Variants in EP300 observed in about 807,000 individuals in gnomAD.
EP300 encodes EP300 lysine acetyltransferase, also known as histone acetyltransferase p300.
EP300 carries 31 observed loss-of-function variants against 264.0 expected under a neutral mutation model. The observed-to-expected ratio is 0.12, with a 90% CI of 0.09 to 0.16. The LOEUF (loss-of-function observed/expected upper bound fraction) is 0.16, where lower values mean the gene tolerates loss of function less well. EP300 is among the 10% of genes least tolerant of loss of function. The pLI, the probability that EP300 is intolerant of heterozygous loss-of-function variation, is 1.00. For missense variants in EP300, 2,766 were observed against 3,052.9 expected, an observed-to-expected ratio of 0.91 and a Z score of 2.21; for synonymous variants, 1,340 against 1,045.4, an observed-to-expected ratio of 1.28 and a Z score of -5.44.
At position 41,169,639 on chromosome 22, in the gene EP300, T is replaced by C. The variant is rs142488264; in HGVS notation, c.4286+23T>C. ...AGGGTAAGCATATTTTGATAATGGC[T>C]TTTTTTCTTTAACTAGCATGGCATT... On this transcript the variant is annotated intron_variant, in intron 26 of 30. Transcript: ENST00000263253. 1.7e-4 allele frequency: 235 copies of C among 1,372,094 alleles called. No individual in the cohort carries two copies. The African/African-American group carries it at 3.1e-3, about 18-fold the overall frequency. The allele number at this position is 1,372,094 out of a possible 1,614,324, so 85.0% of individuals were successfully genotyped here. A position where few individuals can be genotyped will look rare whatever the true frequency, so the allele number is the denominator to read the frequency against.
chr22:41,111,703 G>A (rs768428965), intron 1 of EP300, among the ~76,000 whole-genome samples: 1 of 151,302 alleles, frequency 6.6e-6, no homozygotes, highest in African/African-American at 2.4e-5. Flanking sequence ...ACCACGTACC[G>A]CTAATTTTGT....
chr22:41,137,614 C>T (rs1267169125), intron 7 of EP300, 39 bp from the exon 8 acceptor site: 9 of 1,613,746 alleles, frequency 5.6e-6, no homozygotes, highest in Non-Finnish European at 5.9e-6. Context: ...CTTCTCCTAC[C>T]TTTCTTCACT....
rs748268510 is a variant in EP300 at position 41,169,574 on chromosome 22, A to G, written c.4244A>G (p.His1415Arg). Residue 1415 changes from histidine (H) to arginine (R), a missense_variant, in exon 26 of 31, where the codon CAT (histidine) becomes CGT (arginine). By Grantham distance (29) the His-to-Arg change is conservative. Transcript: ENST00000263253. ...RPKCLRTAVYHEILIGYLEYV... is the reference protein window; with the variant it reads ...RPKCLRTAVYREILIGYLEYV... ...AAATGCTTGAGGACTGCAGTCTATC[A>G]TGAAATCCTAATTGGATATTTAGAA... The G allele has an allele frequency of 6.2e-7, 1 of 1,609,816 alleles. No individual in the cohort carries two copies. Among genetic ancestry groups the G allele is most frequent in the South Asian group, 1.1e-5 (1 of 90,972 alleles).
At chr22:41,166,499 A>G in intron 22 of EP300, 100 bp from the exon 23 acceptor site, 1 of 913,320 alleles carries the variant, frequency 1.1e-6, no homozygotes, top group South Asian at 1.5e-5. Context: ...AGAAATTTAG[A>G]AATACTTCTG....
chr22:41,174,067 T>C lies in EP300; in HGVS notation c.4779+283T>C, dbSNP rs2076581. ...GGAGATTGCAGTGAGCCGAGGTCAC[T>C]CCATTGCACTCCAGCCTGGGCAACA... On this transcript the variant is annotated intron_variant, in intron 29 of 30. Coordinates refer to ENST00000263253, the MANE Select transcript of EP300 (RefSeq NM_001429.4). Among the ~76,000 whole-genome samples the C allele has an allele frequency of 0.59, 89,664 of 151,746 alleles. 27,372 individuals carry two copies. Among genetic ancestry groups the C allele is most frequent in the East Asian group, 0.81 (4,214 of 5,174 alleles).
chr22:41,149,616 T>C (rs1011545597), intron 13 of EP300, 145 bp from the exon 14 acceptor site: 2 of 870,250 alleles, frequency 2.3e-6, no homozygotes, highest in African/African-American at 3.3e-5. Flanking sequence ...TGCCCAGTAA[T>C]AGGGTATTTT....
intron 14 of EP300, among the ~76,000 whole-genome samples, chr22:41,151,465 T>C (rs1288481535): frequency 1.3e-5 from 2 of 152,210 alleles, no homozygotes; most frequent in African/African-American, 4.8e-5. Flanking sequence ...AAACTTTCTC[T>C]GGTGAGAAGG....
chr22:41,169,850 A>G (rs1382659924), intron 26 of EP300, among the ~76,000 whole-genome samples: 1 of 152,196 alleles, frequency 6.6e-6, no homozygotes, highest in Non-Finnish European at 1.5e-5. Flanking sequence ...AAGCTAAGCC[A>G]TTGGGTCCAC....
chr22:41,131,275 C>A, intron 5 of EP300, 113 bp from the exon 6 acceptor site: 1 of 1,179,970 alleles, frequency 8.5e-7, no homozygotes, highest in Non-Finnish European at 1.3e-6. Flanking sequence ...TCCACATACT[C>A]AGATGTTTCA....
rs569781025 is a variant in EP300 at position 41,161,158 on chromosome 22, A to C, written c.3671+436A>C. ...GGGTGATTGAACTGATGACCACCTTACACCCTTCTCTTGTAGGTTAACAGA... is the reference window on the plus strand; with the variant it reads ...GGGTGATTGAACTGATGACCACCTTCCACCCTTCTCTTGTAGGTTAACAGA... On this transcript the variant is annotated intron_variant, in intron 20 of 30. Coordinates refer to ENST00000263253, the MANE Select transcript of EP300 (RefSeq NM_001429.4). Among the ~76,000 whole-genome samples, 26 of 152,342 alleles carry C rather than the reference A, an allele frequency of 1.7e-4. No individual in the cohort carries two copies. The East Asian group carries it at 5.0e-3, about 29-fold the overall frequency.
In EP300 at chr22:41,092,699, T is replaced by C. The variant is rs2058679175; in HGVS notation, c.-306T>C. On this transcript the variant is annotated 5_prime_UTR_variant, in exon 1 of 31. Transcript: ENST00000263253. ...GCCGTGGCGGGCCGGGGACTGCGCC[T>C]CTAGAGCCGCGAGTTCTCGGGAATT... 1.6e-6 allele frequency: 1 copy of C among 620,546 alleles called. No individual in the cohort carries two copies. Among genetic ancestry groups the C allele is most frequent in the South Asian group, 2.0e-5 (1 of 50,232 alleles). The allele number at this position is 620,546 out of a possible 1,614,324, so 38.4% of individuals were successfully genotyped here.
intron 22 of EP300, 85 bp from the exon 23 acceptor site, chr22:41,166,514 A>G: frequency 2.8e-6 from 3 of 1,070,214 alleles, no homozygotes; most frequent in Non-Finnish European, 4.3e-6. Context: ...CTTCTGCTAG[A>G]TTGTCTTTTG....
intron 6 of EP300, among the ~76,000 whole-genome samples, chr22:41,133,157 C>CA (rs1206741140): frequency 2.5e-5 from 3 of 119,768 alleles, no homozygotes; most frequent in East Asian, 6.2e-4. Flanking sequence ...GATTATCCCC[C>CA]CCCCCACCCC....
At chr22:41,125,123 T>TC (rs2058873750) in intron 2 of EP300, among the ~76,000 whole-genome samples, 1 of 140,814 alleles carries the variant, frequency 7.1e-6, no homozygotes, top group Non-Finnish European at 1.5e-5. Flanking sequence ...TTTTTTTTTT[T>TC]TTTTTTTTTT....
intron 17 of EP300, 145 bp downstream of exon 17, chr22:41,155,258 T>TA: frequency 1.3e-6 from 1 of 758,864 alleles, no homozygotes; most frequent in South Asian, 1.6e-5. Context: ...GACAGGGTCT[T>TA]ATTCTGGTTG....
chr22:41,164,123 C>T lies in EP300; in HGVS notation c.3799C>T (p.Pro1267Ser). The T allele has an allele frequency of 1.2e-6, 2 of 1,613,792 alleles. No homozygotes were observed. Among genetic ancestry groups the T allele is most frequent in the South Asian group, 1.1e-5 (1 of 91,080 alleles). The change falls in exon 22 of 31, where the codon CCT becomes TCT. Residue 1267 changes from proline (P) to serine (S), a missense_variant. Transcript: ENST00000263253. Reference protein sequence around the residue: ...ICVLHHEIIWPAGFVCDGCLK... With the variant: ...ICVLHHEIIWSAGFVCDGCLK... ...TGTCCTTCACCATGAGATCATCTGG[C>T]CTGCTGGGTAAGTCTTAACGTTGTT...
At chr22:41,140,528 G>A (rs1395923589) in intron 9 of EP300, among the ~76,000 whole-genome samples, 4 of 152,108 alleles carry the variant, frequency 2.6e-5, no homozygotes, top group South Asian at 2.1e-4. Context: ...TGAGCTGGCC[G>A]AGTGCAGTGG....
At chr22:41,174,437 G>A (rs1424114827) in intron 29 of EP300, among the ~76,000 whole-genome samples, 1 of 152,136 alleles carries the variant, frequency 6.6e-6, no homozygotes, top group Non-Finnish European at 1.5e-5. Flanking sequence ...TAACCTTTCT[G>A]AAAGTGAATT....
chr22:41,095,064 T>G (rs947230271), intron 1 of EP300, among the ~76,000 whole-genome samples: 1 of 152,098 alleles, frequency 6.6e-6, no homozygotes, highest in Non-Finnish European at 1.5e-5. Context: ...TTCTAAATTT[T>G]GTAATGAGGG....
Sources: gnomAD v4.1 joint callset for allele counts (sites outside exome capture counted in the v4.1 genomes callset) on GRCh38, gnomAD v4.1.1 for gene constraint, MANE v1.5 for transcripts, NCBI Gene and HGNC (gene_info 2026-07-23, HGNC 2026-07-21) for gene names.